The following ADAM17 variants were observed in gnomAD, a reference collection of about 807,000 sequenced individuals.
ADAM17 encodes ADAM metallopeptidase domain 17.
In ADAM17, 39 loss-of-function variants were observed where a neutral mutation model predicts 96.7. That is an observed-to-expected ratio of 0.40 (90% CI 0.31 to 0.53). ADAM17 has a LOEUF of 0.53. ADAM17 is among the 20% of genes least tolerant of loss of function. The probability of loss-of-function intolerance (pLI) is 0.44; values close to 1 mark genes in which losing one functional copy is unlikely to be tolerated. For synonymous variants in ADAM17, 344 were observed against 359.2 expected (o/e 0.96, Z 0.48); for missense variants, 777 against 1,013.2 (o/e 0.77, Z 3.17).
At chr2:9,508,495 T>C (rs2125005115) in intron 11 of ADAM17, among the ~76,000 whole-genome samples, 1 of 152,366 alleles carries the variant, frequency 6.6e-6, no homozygotes, top group East Asian at 1.9e-4. Flanking sequence ...TTCTAATAAC[T>C]TTACCAAGTG....
intron 1 of ADAM17, among the ~76,000 whole-genome samples, chr2:9,549,012 T>A (rs538385852): frequency 2.0e-5 from 3 of 152,302 alleles, no homozygotes; most frequent in East Asian, 3.9e-4. Flanking sequence ...ATAAAGTATA[T>A]CCATATTTTC....
chr2:9,522,335 T>C, intron 7 of ADAM17: 1 of 526,536 alleles, frequency 1.9e-6, no homozygotes, highest in South Asian at 2.9e-5. Context: ...ACTAGTGACA[T>C]GAATGTCTTT....
intron 8 of ADAM17, 138 bp from the exon 9 acceptor site, chr2:9,518,385 A>G (rs920860879): frequency 1.9e-5 from 21 of 1,095,220 alleles, no homozygotes; most frequent in Non-Finnish European, 2.6e-5. Context: ...ACCAGCAATC[A>G]CAACCTCGTG....
In ADAM17 at chr2:9,505,437, T is replaced by C. The variant is rs1663332007; in HGVS notation, c.1345-72A>G. 2.1e-6 allele frequency: 3 copies of C among 1,459,084 alleles called. No individual in the cohort carries two copies. In the Admixed American group the frequency reaches 5.2e-5, roughly 25 times the overall value. 90.4% of individuals were successfully genotyped at this position (1,459,084 alleles called of 1,614,324 possible). On this transcript the variant is annotated intron_variant, in intron 11 of 18. Coordinates refer to ENST00000310823, the MANE Select transcript of ADAM17 (RefSeq NM_003183.6). ...TGTATTCCCATGCAATGTTTGTGTC[T>C]TCTCTAGAGACAAACTCTTAATGTA...
intron 4 of ADAM17, among the ~76,000 whole-genome samples, chr2:9,533,888 G>A (rs761845459): frequency 3.9e-5 from 6 of 152,172 alleles, no homozygotes; most frequent in Non-Finnish European, 7.4e-5. Context: ...AACTTTGCTT[G>A]TGTTAAGCTA....
chr2:9,539,905 A>C (rs1468777134), intron 2 of ADAM17, among the ~76,000 whole-genome samples: 1 of 152,226 alleles, frequency 6.6e-6, no homozygotes, highest in Non-Finnish European at 1.5e-5. Context: ...ATTAAAGGAA[A>C]TAACCTATTT....
intron 1 of ADAM17, among the ~76,000 whole-genome samples, chr2:9,549,796 G>A (rs1157169054): frequency 6.6e-6 from 1 of 152,176 alleles, no homozygotes; most frequent in Admixed American, 6.5e-5. Flanking sequence ...TGAGATGACA[G>A]TCGTGAGCCA....
chr2:9,488,697 G>A lies in ADAM17; in HGVS notation c.*1480C>T, dbSNP rs1661796995. On this transcript the variant is annotated 3_prime_UTR_variant, in exon 19 of 19. Coordinates refer to ENST00000310823, the MANE Select transcript of ADAM17 (RefSeq NM_003183.6). Reference sequence around the variant, plus strand: ...CAACCTTGTATCAAATTCCAAAAGTGTAACTAAAGTATAAGAATATCATGA... The same window carrying A: ...CAACCTTGTATCAAATTCCAAAAGTATAACTAAAGTATAAGAATATCATGA... 1 of 159,096 alleles carries A rather than the reference G, an allele frequency of 6.3e-6. No individual in the cohort carries two copies. Among genetic ancestry groups the A allele is most frequent in the Non-Finnish European group, 1.4e-5 (1 of 72,828 alleles). The allele number at this position is 159,096 out of a possible 1,614,324, so 9.9% of individuals were successfully genotyped here. A position where few individuals can be genotyped will look rare whatever the true frequency, so the allele number is the denominator to read the frequency against.
chr2:9,490,079 C>T lies in ADAM17; in HGVS notation c.*98G>A, dbSNP rs1056807983. ...AACACATGACCAGCATCTGCTAAGT[C>T]ACTTCCCAGTCTTCACAAAATACAA... is the stretch of plus-strand genomic sequence containing the variant. On this transcript the variant is annotated 3_prime_UTR_variant, in exon 19 of 19. Transcript: ENST00000310823. 5.1e-6 allele frequency: 6 copies of T among 1,178,106 alleles called. No individual in the cohort carries two copies. The African/African-American group carries it at 7.7e-5, about 15-fold the overall frequency. 73.0% of individuals were successfully genotyped at this position (1,178,106 alleles called of 1,614,324 possible).
At chr2:9,539,804 C>G (rs551223529) in intron 2 of ADAM17, among the ~76,000 whole-genome samples, 2 of 152,286 alleles carry the variant, frequency 1.3e-5, no homozygotes, top group East Asian at 1.9e-4. Context: ...CTTTCATTTA[C>G]TCACTGTCCG....
At chr2:9,527,209 C>G (rs1481455973) in intron 5 of ADAM17, among the ~76,000 whole-genome samples, 1 of 152,000 alleles carries the variant, frequency 6.6e-6, no homozygotes, top group East Asian at 1.9e-4. Flanking sequence ...TATAATCCAG[C>G]TACTCAGGAG....
chr2:9,496,933 T>C (rs904090681), intron 14 of ADAM17, among the ~76,000 whole-genome samples, 181 bp downstream of exon 14: 5 of 152,178 alleles, frequency 3.3e-5, no homozygotes, highest in African/African-American at 9.7e-5. Context: ...CTCCCAGGTA[T>C]GGTGGATCTG....
rs34863481 is a variant in ADAM17, at chr2:9,518,259, C to CAAAAA, written c.958-17_958-13dup. ...TCAAAGCTAAATTGCTTTGAAAGAC[C>CAAAAA]AAAAAAAAAAAAAAAAAAAAAAGCA... On this transcript the variant is annotated splice_polypyrimidine_tract_variant and intron_variant, in intron 8 of 18. Coordinates refer to ENST00000310823, the MANE Select transcript of ADAM17 (RefSeq NM_003183.6). 8.1e-5 allele frequency: 66 copies of CAAAAA among 817,074 alleles called. No homozygotes were observed. The highest frequency in any genetic ancestry group is 5.4e-4 in the Middle Eastern group (1 of 1,840). 50.6% of individuals were successfully genotyped at this position (817,074 alleles called of 1,614,324 possible).
intron 1 of ADAM17, among the ~76,000 whole-genome samples, chr2:9,550,903 CAA>C (rs33972062): frequency 0.56 from 54,555 of 97,734 alleles, 12,918 homozygotes; most frequent in Middle Eastern, 0.65. Context: ...ACTAAAAATA[CAA>C]AAAAAAAAAA....
At chr2:9,515,260 T>C (rs1450230203) in intron 10 of ADAM17, among the ~76,000 whole-genome samples, 1 of 152,236 alleles carries the variant, frequency 6.6e-6, no homozygotes, top group Non-Finnish European at 1.5e-5. Context: ...TCATATAGTA[T>C]GTAGCCTTTC....
chr2:9,511,865 G>A (rs1240792320), intron 10 of ADAM17, among the ~76,000 whole-genome samples: 1 of 152,040 alleles, frequency 6.6e-6, no homozygotes. Flanking sequence ...CAGCTATTTG[G>A]GAGGCTGAGC....
intron 1 of ADAM17, among the ~76,000 whole-genome samples, chr2:9,553,234 G>A (rs1179736957): frequency 1.3e-5 from 2 of 152,112 alleles, no homozygotes; most frequent in African/African-American, 4.8e-5. Context: ...ACGTACTCTA[G>A]CACTCTCCTC....
At chr2:9,526,290 A>G (rs150028801) in intron 5 of ADAM17, 46 bp from the exon 6 acceptor site, 54 of 1,582,202 alleles carry the variant, frequency 3.4e-5, no homozygotes, top group Non-Finnish European at 4.4e-5. Flanking sequence ...TCACCAAAAC[A>G]AGGAGTTTTA....
rs756429621 is a variant in ADAM17 at position 9,492,977 on chromosome 2, A to G, written c.2003T>C (p.Leu668Ser). The G allele has an allele frequency of 2.0e-5, 33 of 1,610,368 alleles. No individual in the cohort carries two copies. Among genetic ancestry groups the G allele is most frequent in the Middle Eastern group, 1.7e-4 (1 of 6,058 alleles). The change falls in exon 17 of 19, where the codon TTA becomes TCA. Residue 668 changes from leucine to serine, a missense_variant. Leu to Ser is a moderately radical substitution (Grantham distance 145). Transcript: ENST00000310823. ...GACAGACCCAACGATGTTGTCTGCT[A>G]AAAACTTTCCTGTGAACAATTCCAA... ...QLSINTFGKF[L>S]ADNIVGSVLV...
Sources: allele counts gnomAD v4.1 joint callset (sites outside exome capture counted in the v4.1 genomes callset), GRCh38; gene constraint gnomAD v4.1.1; transcripts MANE v1.5; gene names NCBI Gene and HGNC (gene_info 2026-07-23, HGNC 2026-07-21).